Variants in SLC3A1 observed in about 807,000 individuals in gnomAD.
The protein encoded by SLC3A1 is solute carrier family 3 member 1.
A neutral mutation model predicts 60.3 loss-of-function variants in SLC3A1; 78 were observed. The observed-to-expected ratio is 1.29, with a 90% CI of 1.08 to 1.56. The LOEUF is 1.56. SLC3A1 is among the 40% of genes most tolerant of loss of function. The pLI, the probability that SLC3A1 is intolerant of heterozygous loss-of-function variation, is 0.00. For missense variants in SLC3A1, 1,172 were observed against 858.9 expected (o/e 1.36, Z -4.56); for synonymous variants, 392 against 307.9 (o/e 1.27, Z -2.86).
chr2:44,296,229 T>A (rs1239662626), intron 4 of SLC3A1, among the ~76,000 whole-genome samples: 2 of 152,192 alleles, frequency 1.3e-5, no homozygotes, highest in South Asian at 4.1e-4. Context: ...TTTACCCTCT[T>A]GTATTACCAT....
chr2:44,309,202 A>C (rs542476851), intron 7 of SLC3A1, among the ~76,000 whole-genome samples: 1 of 152,270 alleles, frequency 6.6e-6, no homozygotes, highest in South Asian at 2.1e-4. Flanking sequence ...GTACCCACTA[A>C]ACAATAATTC....
rs1007373599 is a variant in SLC3A1 at position 44,320,997 on chromosome 2, T to G, written c.*358T>G. Reference sequence around the variant, plus strand: ...TAGAGGATGACTCACTGCCACAGTGTCTAAAAGCATTTGCTAGCAAAGAGG... The same window carrying G: ...TAGAGGATGACTCACTGCCACAGTGGCTAAAAGCATTTGCTAGCAAAGAGG... On this transcript the variant is annotated 3_prime_UTR_variant, in exon 10 of 10. Coordinates refer to ENST00000260649, the MANE Select transcript of SLC3A1 (RefSeq NM_000341.4). 1.8e-5 allele frequency: 7 copies of G among 387,726 alleles called. No individual in the cohort carries two copies. Among genetic ancestry groups the G allele is most frequent in the Non-Finnish European group, 3.3e-5 (7 of 211,184 alleles). 24.0% of individuals were successfully genotyped at this position (387,726 alleles called of 1,614,324 possible). A position where few individuals can be genotyped will look rare whatever the true frequency, so the allele number is the denominator to read the frequency against.
intron 3 of SLC3A1, among the ~76,000 whole-genome samples, chr2:44,283,863 A>T (rs2104338872): frequency 6.6e-6 from 1 of 152,230 alleles, no homozygotes; most frequent in South Asian, 2.1e-4. Flanking sequence ...CATGCTAGGT[A>T]TAGTCTTCTT....
chr2:44,280,852 G>A lies in SLC3A1; in HGVS notation c.567G>A (p.Thr189=), dbSNP rs143195837. The A allele has an allele frequency of 8.7e-6, 14 of 1,614,092 alleles. No homozygotes were observed. The highest frequency in any genetic ancestry group is 7.7e-5 in the South Asian group (7 of 91,086). The change falls in exon 2 of 10, where the codon ACG becomes ACA. Residue 189 remains threonine, a synonymous_variant. Transcript: ENST00000260649. ...DFREVDPIFG[T]MEDFENLVAA... ...GGGAAGTTGATCCCATTTTTGGAAC[G>A]ATGGAAGATTTTGAGAATCTGGTTG...
At chr2:44,313,804 A>C in intron 8 of SLC3A1, 31 bp from the exon 9 acceptor site, 1 of 1,516,858 alleles carries the variant, frequency 6.6e-7, no homozygotes, top group Non-Finnish European at 9.2e-7. Context: ...TAACCAAACC[A>C]CTGTTTTCCC....
chr2:44,279,004 T>C (rs982852914), intron 1 of SLC3A1, among the ~76,000 whole-genome samples: 1 of 145,666 alleles, frequency 6.9e-6, no homozygotes, highest in Non-Finnish European at 1.5e-5. Flanking sequence ...ATATTTATTA[T>C]TTTTTTTTTT....
intron 7 of SLC3A1, among the ~76,000 whole-genome samples, chr2:44,305,062 C>T (rs1672119364): frequency 6.6e-6 from 1 of 152,028 alleles, no homozygotes; most frequent in African/African-American, 2.4e-5. Context: ...AACTCCTGAC[C>T]TCAGGTGATC....
At chr2:44,296,339 G>C (rs1490235925) in intron 4 of SLC3A1, among the ~76,000 whole-genome samples, 2 of 152,212 alleles carry the variant, frequency 1.3e-5, no homozygotes, top group African/African-American at 4.8e-5. Flanking sequence ...GACTGTGTCT[G>C]TTGTATTTTT....
intron 4 of SLC3A1, among the ~76,000 whole-genome samples, chr2:44,288,969 G>A (rs959195455): frequency 1.3e-5 from 2 of 151,374 alleles, no homozygotes; most frequent in Non-Finnish European, 1.5e-5. Flanking sequence ...TGAGTACCTG[G>A]GACTATAGGC....
At chr2:44,309,766 T>C (rs561094934) in intron 7 of SLC3A1, among the ~76,000 whole-genome samples, 1 of 152,070 alleles carries the variant, frequency 6.6e-6, no homozygotes, top group Non-Finnish European at 1.5e-5. Context: ...GACTGGCTAA[T>C]TTTTGTATTT....
At chr2:44,283,339 T>C (rs1223112730) in intron 3 of SLC3A1, among the ~76,000 whole-genome samples, 1 of 152,208 alleles carries the variant, frequency 6.6e-6, no homozygotes, top group African/African-American at 2.4e-5. Context: ...TCACCTCTTT[T>C]TTTCCTCCAG....
At chr2:44,299,502 TA>T (rs1038854922) in intron 4 of SLC3A1, among the ~76,000 whole-genome samples, 4 of 152,348 alleles carry the variant, frequency 2.6e-5, no homozygotes, top group Admixed American at 2.6e-4. Context: ...CTTTAATATC[TA>T]AGCACTTCAC....
chr2:44,294,975 C>G (rs1671817686), intron 4 of SLC3A1, among the ~76,000 whole-genome samples: 1 of 152,122 alleles, frequency 6.6e-6, no homozygotes, highest in African/African-American at 2.4e-5. Flanking sequence ...AACTCCTGAG[C>G]TTAAGTGATC....
chr2:44,305,586 C>A (rs951352492), intron 7 of SLC3A1, among the ~76,000 whole-genome samples: 7 of 151,922 alleles, frequency 4.6e-5, no homozygotes, highest in Admixed American at 1.3e-4. Context: ...CGCCACCATG[C>A]CTGGCTAATT....
intron 8 of SLC3A1, 55 bp from the exon 9 acceptor site, chr2:44,313,780 C>A: frequency 7.8e-7 from 1 of 1,289,896 alleles, no homozygotes; most frequent in Non-Finnish European, 1.1e-6. Flanking sequence ...AGGACCAAAG[C>A]ACATTTCTTC....
At chr2:44,277,864 T>G (rs1458945049) in intron 1 of SLC3A1, among the ~76,000 whole-genome samples, 1 of 152,138 alleles carries the variant, frequency 6.6e-6, no homozygotes, top group Non-Finnish European at 1.5e-5. Flanking sequence ...TCCATAGGCA[T>G]TTGTCTTTGA....
chr2:44,304,556 T>G (rs1183088327), intron 7 of SLC3A1, among the ~76,000 whole-genome samples: 1 of 152,184 alleles, frequency 6.6e-6, no homozygotes, highest in Non-Finnish European at 1.5e-5. Context: ...TGAGTGCTTG[T>G]CTATGCTCAG....
intron 1 of SLC3A1, 104 bp downstream of exon 1, chr2:44,276,069 T>G (rs1319705712): frequency 1.2e-5 from 12 of 1,012,544 alleles, no homozygotes; most frequent in Non-Finnish European, 1.9e-5. Flanking sequence ...AGTAAGCACA[T>G]TCCATTATGA....
In SLC3A1 at chr2:44,304,355, G is replaced by A; in HGVS notation, c.1332+17G>A. 1 of 1,587,994 alleles carries A rather than the reference G, an allele frequency of 6.3e-7. No individual in the cohort carries two copies. ...AACTGGATGGTAAGTCCTCATGACAGCAGAGTACATAATGTGCTGCTGTTG... is the reference window on the plus strand; with the variant it reads ...AACTGGATGGTAAGTCCTCATGACAACAGAGTACATAATGTGCTGCTGTTG... On this transcript the variant is annotated intron_variant, in intron 7 of 9. Coordinates refer to ENST00000260649, the MANE Select transcript of SLC3A1 (RefSeq NM_000341.4).
Sources: allele counts gnomAD v4.1 joint callset (sites outside exome capture counted in the v4.1 genomes callset), GRCh38; gene constraint gnomAD v4.1.1; transcripts MANE v1.5; gene names NCBI Gene and HGNC (gene_info 2026-07-23, HGNC 2026-07-21).